ATXN7L1: variants seen among roughly 807,000 people sequenced by gnomAD.
The protein encoded by ATXN7L1 is ataxin-7-like protein 1.
In ATXN7L1, 15 loss-of-function variants were observed where a neutral mutation model predicts 70.8. The observed-to-expected ratio is 0.21, with a 90% CI of 0.14 to 0.33. ATXN7L1 has a LOEUF of 0.33. Among genes scored for constraint, ATXN7L1 ranks in the 10% least tolerant of loss-of-function variants. The probability of loss-of-function intolerance (pLI) is 1.00; values close to 1 mark genes in which losing one functional copy is unlikely to be tolerated. For missense variants in ATXN7L1, 975 were observed against 1,097.1 expected, an observed-to-expected ratio of 0.89 and a Z score of 1.57; for synonymous variants, 440 against 445.1, an observed-to-expected ratio of 0.99 and a Z score of 0.14.
At chr7:105,620,499 C>T (rs1403102236) in intron 8 of ATXN7L1, among the ~76,000 whole-genome samples, 178 bp from the exon 9 acceptor site, 1 of 152,190 alleles carries the variant, frequency 6.6e-6, no homozygotes, top group African/African-American at 2.4e-5. Flanking sequence ...GGATTTTCTG[C>T]AGAACCTCAT....
chr7:105,607,993 G>A, intron 11 of ATXN7L1, 103 bp from the exon 12 acceptor site: 1 of 1,066,918 alleles, frequency 9.4e-7, no homozygotes, highest in Non-Finnish European at 1.4e-6. Flanking sequence ...TAATAGAAAG[G>A]ACAATATCCC....
chr7:105,648,404 C>T (rs1799376393), intron 4 of ATXN7L1, among the ~76,000 whole-genome samples: 1 of 152,204 alleles, frequency 6.6e-6, no homozygotes, highest in South Asian at 2.1e-4. Context: ...TTGCCATCCT[C>T]TTCCCCAGTA....
At chr7:105,743,448 T>C (rs1208757723) in intron 3 of ATXN7L1, among the ~76,000 whole-genome samples, 2 of 152,084 alleles carry the variant, frequency 1.3e-5, no homozygotes, top group Non-Finnish European at 2.9e-5. Flanking sequence ...GCAAGTCTTC[T>C]TCAGGAGAAT....
intron 3 of ATXN7L1, among the ~76,000 whole-genome samples, chr7:105,753,457 G>A (rs1192110867): frequency 6.6e-6 from 1 of 152,206 alleles, no homozygotes; most frequent in East Asian, 1.9e-4. Context: ...ATAAGGTGAA[G>A]ATTATCTAGT....
At chr7:105,795,715 T>C (rs748304893) in intron 2 of ATXN7L1, among the ~76,000 whole-genome samples, 3 of 152,188 alleles carry the variant, frequency 2.0e-5, no homozygotes, top group South Asian at 2.1e-4. Flanking sequence ...GGACAGCCTA[T>C]TGGCAATCAG....
intron 3 of ATXN7L1, among the ~76,000 whole-genome samples, chr7:105,668,203 C>G (rs1017648997): frequency 3.3e-5 from 5 of 152,196 alleles, no homozygotes; most frequent in Non-Finnish European, 5.9e-5. Context: ...GTTAGTGGTT[C>G]TGGCTGACAC....
At chr7:105,815,839 G>C (rs1167668828) in intron 2 of ATXN7L1, among the ~76,000 whole-genome samples, 1 of 152,206 alleles carries the variant, frequency 6.6e-6, no homozygotes, top group African/African-American at 2.4e-5. Flanking sequence ...CGGGAGCTGG[G>C]GACCGAGAGT....
intron 8 of ATXN7L1, 115 bp downstream of exon 8, chr7:105,623,960 T>G: frequency 9.9e-7 from 1 of 1,007,684 alleles, no homozygotes; most frequent in Non-Finnish European, 1.3e-6. Flanking sequence ...AGCCTTTTTG[T>G]AAAACACTGC....
chr7:105,697,368 C>A lies in ATXN7L1; in HGVS notation c.356-32080G>T, dbSNP rs930940305. On this transcript the variant is annotated intron_variant, in intron 3 of 11. Coordinates refer to ENST00000419735, the MANE Select transcript of ATXN7L1 (RefSeq NM_020725.2). ...AGGTGCACGTTCTCTTTCTCAGGAA[C>A]GTTCCATGCTGAGAAAAAGAATTCA... Among the ~76,000 whole-genome samples the A allele has an allele frequency of 2.6e-5, 4 of 152,206 alleles. No individual in the cohort carries two copies. The South Asian group carries it at 8.3e-4, about 32-fold the overall frequency.
chr7:105,637,579 G>A (rs140252937), intron 7 of ATXN7L1, among the ~76,000 whole-genome samples: 2 of 152,254 alleles, frequency 1.3e-5, no homozygotes, highest in African/African-American at 2.4e-5. Context: ...CTTATGGAGC[G>A]AGCACTCAAT....
At chr7:105,739,017 C>T (rs1797717769) in intron 3 of ATXN7L1, among the ~76,000 whole-genome samples, 1 of 152,094 alleles carries the variant, frequency 6.6e-6, no homozygotes, top group South Asian at 2.1e-4. Flanking sequence ...GGGAGGCTGA[C>T]TTTTAATAAA....
chr7:105,638,336 G>T lies in ATXN7L1; in HGVS notation c.1202+17C>A, dbSNP rs150248213. The stretch of plus-strand genomic sequence containing the variant: ...TGACCAAGCATTCAGGGCTTCTATC[G>T]TCAAGGTGGTACTTACCTAGGAAGT... On this transcript the variant is annotated intron_variant, in intron 7 of 11. Coordinates refer to ENST00000419735, the MANE Select transcript of ATXN7L1 (RefSeq NM_020725.2). The T allele has an allele frequency of 1.3e-6, 2 of 1,542,270 alleles. No homozygotes were observed. Among genetic ancestry groups the T allele is most frequent in the South Asian group, 1.2e-5 (1 of 83,412 alleles).
intron 9 of ATXN7L1, among the ~76,000 whole-genome samples, chr7:105,619,438 C>T (rs58604772): frequency 0.025 from 3,316 of 134,380 alleles, 165 homozygotes; most frequent in African/African-American, 0.087. Context: ...CGTGAGCCAC[C>T]GTGCCTGGCT....
chr7:105,834,346 C>A (rs985403531), intron 2 of ATXN7L1, among the ~76,000 whole-genome samples: 1 of 152,188 alleles, frequency 6.6e-6, no homozygotes, highest in Non-Finnish European at 1.5e-5. Context: ...CTGGCCTCAT[C>A]ATTGACTTTG....
chr7:105,850,639 C>G (rs1260920895), intron 2 of ATXN7L1, among the ~76,000 whole-genome samples: 1 of 152,212 alleles, frequency 6.6e-6, no homozygotes, highest in Non-Finnish European at 1.5e-5. Flanking sequence ...GAAGAACGAG[C>G]ACAGAGCGAG....
At chr7:105,845,779 C>G (rs2116619522) in intron 2 of ATXN7L1, among the ~76,000 whole-genome samples, 1 of 152,168 alleles carries the variant, frequency 6.6e-6, no homozygotes, top group Non-Finnish European at 1.5e-5. Context: ...ATCAAGAGTT[C>G]CAAGACAATT....
At chr7:105,747,025 T>C (rs1448372431) in intron 3 of ATXN7L1, among the ~76,000 whole-genome samples, 1 of 152,220 alleles carries the variant, frequency 6.6e-6, no homozygotes, top group African/African-American at 2.4e-5. Context: ...TATTTGCCCC[T>C]GTGATATTGT....
intron 2 of ATXN7L1, among the ~76,000 whole-genome samples, chr7:105,873,206 G>A (rs765975352): frequency 6.6e-6 from 1 of 152,022 alleles, no homozygotes; most frequent in Non-Finnish European, 1.5e-5. Flanking sequence ...AACAAAAATC[G>A]GAACCACTTC....
chr7:105,716,012 G>A (rs1339186358), intron 3 of ATXN7L1, among the ~76,000 whole-genome samples: 1 of 152,094 alleles, frequency 6.6e-6, no homozygotes, highest in East Asian at 1.9e-4. Context: ...TGGAGGCGGG[G>A]GGGATGGGAA....
Sources: allele counts gnomAD v4.1 joint callset (sites outside exome capture counted in the v4.1 genomes callset), GRCh38; gene constraint gnomAD v4.1.1; transcripts MANE v1.5; gene names NCBI Gene and HGNC (gene_info 2026-07-23, HGNC 2026-07-21).